Variants in NFIA observed in about 807,000 individuals in gnomAD.
NFIA encodes the protein nuclear factor 1 A-type.
Under a neutral mutation model 62.8 loss-of-function variants are expected in NFIA, and 8 were observed. The ratio of observed to expected loss-of-function variants is 0.13; its 90% CI spans 0.07 to 0.23. NFIA has a LOEUF of 0.23. Among genes scored for constraint, NFIA ranks in the 10% least tolerant of loss-of-function variants. NFIA has a pLI of 1.00. For missense variants in NFIA, 410 were observed against 642.1 expected (o/e 0.64, Z 3.91); for synonymous variants, 235 against 238.1 (o/e 0.99, Z 0.12).
chr1:61,206,336 G>C (rs988578173), intron 2 of NFIA, among the ~76,000 whole-genome samples: 1 of 152,166 alleles, frequency 6.6e-6, no homozygotes, highest in Admixed American at 6.5e-5. Context: ...ATTGGATGCA[G>C]AGTTTCTTTC....
intron 9 of NFIA, among the ~76,000 whole-genome samples, chr1:61,423,093 G>C (rs1354221087): frequency 1.3e-5 from 2 of 151,988 alleles, no homozygotes; most frequent in Non-Finnish European, 2.9e-5. Context: ...TAAGACTCTT[G>C]GATAATGTGA....
intron 2 of NFIA, among the ~76,000 whole-genome samples, chr1:61,249,370 T>G (rs899713148): frequency 1.3e-5 from 2 of 152,212 alleles, no homozygotes; most frequent in Non-Finnish European, 2.9e-5. Flanking sequence ...AATGAAATAA[T>G]CTTACTGTAA....
intron 10 of NFIA, among the ~76,000 whole-genome samples, chr1:61,452,865 T>C (rs537640169): frequency 2.0e-5 from 3 of 151,834 alleles, no homozygotes; most frequent in East Asian, 3.9e-4. Flanking sequence ...AGGAGTAACA[T>C]TCACATCGCA....
Position 61,413,401 on chromosome 1 carries a change from T to C in NFIA, c.1420+6674T>C, listed in dbSNP as rs566793156. On this transcript the variant is annotated intron_variant, in intron 9 of 10. Coordinates refer to ENST00000403491, the MANE Select transcript of NFIA (RefSeq NM_001134673.4). ...CCATCTTCTCAACACTCCTATGAGG[T>C]CAGGATTTCATAGGCAAGGAAACTG... Among the ~76,000 whole-genome samples, 4 of 152,170 alleles carry C rather than the reference T, an allele frequency of 2.6e-5. No homozygotes were observed. In the East Asian group the frequency reaches 7.7e-4, roughly 29 times the overall value.
chr1:61,461,722 A>AAT lies in NFIA; in HGVS notation c.*6403_*6404insTA, dbSNP rs1181548102. On this transcript the variant is annotated 3_prime_UTR_variant, in exon 11 of 11. Transcript: ENST00000403491. ...ATGCATTCGCCTATTTGATTCAGAA[A>AAT]AATAAACTTTCCCAAAATGTGTCTG... The AAT allele has an allele frequency of 6.6e-6, 1 of 152,172 alleles. No individual in the cohort carries two copies. The highest frequency in any genetic ancestry group is 1.5e-5 in the Non-Finnish European group (1 of 68,040). 9.4% of individuals were successfully genotyped at this position (152,172 alleles called of 1,614,324 possible). A position where few individuals can be genotyped will look rare whatever the true frequency, so the allele number is the denominator to read the frequency against.
upstream of NFIA, among the ~76,000 whole-genome samples, chr1:61,081,138 T>G (rs1646088950): frequency 6.6e-6 from 1 of 152,044 alleles, no homozygotes; most frequent in Admixed American, 6.5e-5. Context: ...GGTTGTCAAA[T>G]GCAGCATTTT....
At chr1:61,271,287 A>G (rs1657488857) in intron 2 of NFIA, among the ~76,000 whole-genome samples, 1 of 152,174 alleles carries the variant, frequency 6.6e-6, no homozygotes, top group Non-Finnish European at 1.5e-5. Context: ...TGAGTAGGTG[A>G]TAAGGCAGTT....
chr1:61,094,666 G>A (rs1360851285), intron 2 of NFIA, among the ~76,000 whole-genome samples: 4 of 152,122 alleles, frequency 2.6e-5, no homozygotes, highest in Non-Finnish European at 4.4e-5. Context: ...AGTAGGCAAC[G>A]GTAAGATACT....
chr1:61,363,568 C>T (rs778666467), intron 6 of NFIA, among the ~76,000 whole-genome samples: 5 of 150,420 alleles, frequency 3.3e-5, no homozygotes, highest in Non-Finnish European at 7.4e-5. Flanking sequence ...CGTGCCATTG[C>T]ACTCCAGCCT....
At chr1:61,223,988 GA>G (rs1654173156) in intron 2 of NFIA, among the ~76,000 whole-genome samples, 1 of 151,974 alleles carries the variant, frequency 6.6e-6, no homozygotes, top group African/African-American at 2.4e-5. Context: ...CTAATATGAA[GA>G]AAAAAGCTTG....
intron 2 of NFIA, among the ~76,000 whole-genome samples, chr1:61,202,477 C>A (rs1570370918): frequency 6.6e-6 from 1 of 152,068 alleles, no homozygotes; most frequent in South Asian, 2.1e-4. Flanking sequence ...GCAAATAATT[C>A]TGTTAATCCT....
At chr1:61,134,310 G>C (rs1004246018) in intron 2 of NFIA, among the ~76,000 whole-genome samples, 1 of 149,500 alleles carries the variant, frequency 6.7e-6, no homozygotes, top group Non-Finnish European at 1.5e-5. Flanking sequence ...TTATCTCTTT[G>C]CTTCTCAATT....
intron 2 of NFIA, among the ~76,000 whole-genome samples, chr1:61,203,570 A>T (rs192042568): frequency 6.6e-6 from 1 of 152,058 alleles, no homozygotes. Context: ...TAGGGAACAC[A>T]TATCTCTTCT....
intron 4 of NFIA, among the ~76,000 whole-genome samples, chr1:61,346,986 GA>G (rs1662262305): frequency 6.6e-6 from 1 of 152,034 alleles, no homozygotes; most frequent in Non-Finnish European, 1.5e-5. Flanking sequence ...CAGCATGGGG[GA>G]AACTGCCCCC....
intron 1 of NFIA, among the ~76,000 whole-genome samples, chr1:61,086,448 C>A (rs2100411016): frequency 6.6e-6 from 1 of 152,156 alleles, no homozygotes; most frequent in East Asian, 1.9e-4. Flanking sequence ...TGGTTTATGG[C>A]AAGAATAACA....
chr1:61,288,771 T>C (rs1406429899), intron 3 of NFIA, among the ~76,000 whole-genome samples: 9 of 152,050 alleles, frequency 5.9e-5, no homozygotes, highest in African/African-American at 2.2e-4. Context: ...GAATGAGAGA[T>C]TGGGTTGGAA....
intron 2 of NFIA, among the ~76,000 whole-genome samples, chr1:61,251,978 C>A (rs1208642453): frequency 6.6e-6 from 1 of 151,994 alleles, no homozygotes; most frequent in Non-Finnish European, 1.5e-5. Flanking sequence ...TACAGTAACT[C>A]CAATGAGGAG....
chr1:61,455,420 A>C lies in NFIA; in HGVS notation c.*100A>C. On this transcript the variant is annotated 3_prime_UTR_variant, in exon 11 of 11. Transcript: ENST00000403491. ...AACCCAGCGCAGTTACAACTTCACTATCAGCGGAAGGGGAGAAAAACCGAT... is the reference window on the plus strand; with the variant it reads ...AACCCAGCGCAGTTACAACTTCACTCTCAGCGGAAGGGGAGAAAAACCGAT... The C allele has an allele frequency of 6.3e-7, 1 of 1,593,272 alleles. No individual in the cohort carries two copies. The highest frequency in any genetic ancestry group is 8.6e-7 in the Non-Finnish European group (1 of 1,165,372).
intron 2 of NFIA, among the ~76,000 whole-genome samples, chr1:61,213,655 G>A (rs935769575): frequency 1.3e-5 from 2 of 152,160 alleles, no homozygotes; most frequent in Non-Finnish European, 2.9e-5. Context: ...ATTTATGATT[G>A]CTTGAGTACA....
Sources: gnomAD v4.1 joint callset for allele counts (sites outside exome capture counted in the v4.1 genomes callset) on GRCh38, gnomAD v4.1.1 for gene constraint, MANE v1.5 for transcripts, NCBI Gene and HGNC (gene_info 2026-07-23, HGNC 2026-07-21) for gene names.